Variants in BRWD3 observed in about 807,000 individuals in gnomAD.
The protein encoded by BRWD3 is bromodomain and WD repeat domain containing 3.
Under a neutral mutation model 149.7 loss-of-function variants are expected in BRWD3, and 10 were observed. The ratio of observed to expected loss-of-function variants is 0.07; its 90% CI spans 0.04 to 0.11. The LOEUF (loss-of-function observed/expected upper bound fraction) is 0.11. Ranked by LOEUF, BRWD3 falls within the 10% of genes least tolerant of loss-of-function variation. The pLI is 1.00. For missense variants in BRWD3, 940 were observed against 1,373.2 expected, an observed-to-expected ratio of 0.68 and a Z score of 4.99; for synonymous variants, 504 against 456.7, an observed-to-expected ratio of 1.10 and a Z score of -1.32.
intron 6 of BRWD3, among the ~76,000 whole-genome samples, chrX:80,776,908 A>AC (rs1374251739): frequency 4.5e-5 from 5 of 110,897 alleles, no homozygotes; most frequent in Admixed American, 2.9e-4. Flanking sequence ...TCCTCAGAAT[A>AC]CTTTAATGTA....
chrX:80,756,660 T>C (rs1212944784), intron 6 of BRWD3, among the ~76,000 whole-genome samples: 1 of 111,408 alleles, frequency 9.0e-6, no homozygotes, highest in East Asian at 2.8e-4. Context: ...GATAATTGAT[T>C]ATACAGATAC....
intron 17 of BRWD3, among the ~76,000 whole-genome samples, chrX:80,720,230 T>G: frequency 9.0e-6 from 1 of 111,336 alleles, no homozygotes; most frequent in East Asian, 2.8e-4. Context: ...TAAAACAGCC[T>G]CAAGAAGGTC....
intron 27 of BRWD3, 106 bp from the exon 28 acceptor site, chrX:80,693,157 T>C: frequency 1.7e-6 from 1 of 579,698 alleles, no homozygotes; most frequent in Non-Finnish European, 2.9e-6. Context: ...TATCTAGCAT[T>C]ATAAGAAGCT....
chrX:80,769,771 G>GA (rs1026596558), intron 6 of BRWD3, among the ~76,000 whole-genome samples: 3 of 98,189 alleles, frequency 3.1e-5, no homozygotes, highest in Non-Finnish European at 4.1e-5. Context: ...GATAGAGAGA[G>GA]AAAAAAACCT....
rs2072347773 is a variant in BRWD3 at position 80,674,592 on chromosome X, A to T, written c.*2017T>A. 1 of 111,725 alleles carries T rather than the reference A, an allele frequency of 9.0e-6. No individual in the cohort carries two copies. Among genetic ancestry groups the T allele is most frequent in the Admixed American group, 9.5e-5 (1 of 10,508 alleles). 9.2% of individuals were successfully genotyped at this position (111,725 alleles called of 1,213,427 possible). ...AACCGAAACAGCACATTTTAGCAAA[A>T]ATCAAATGTAGTTTCAAATAGGAAC... On this transcript the variant is annotated 3_prime_UTR_variant, in exon 41 of 41. Coordinates refer to ENST00000373275, the MANE Select transcript of BRWD3 (RefSeq NM_153252.5).
chrX:80,705,344 C>T (rs1382954187), intron 22 of BRWD3, among the ~76,000 whole-genome samples: 1 of 110,656 alleles, frequency 9.0e-6, no homozygotes, highest in Non-Finnish European at 1.9e-5. Context: ...ATGAAGTATA[C>T]TTTATCCAAG....
intron 8 of BRWD3, among the ~76,000 whole-genome samples, chrX:80,741,507 C>G (rs2073502841): frequency 8.9e-6 from 1 of 111,820 alleles, no homozygotes; most frequent in Admixed American, 9.5e-5. Context: ...AATGGTTGAA[C>G]TAGTTTACAG....
At chrX:80,801,188 G>T (rs942880923) in intron 4 of BRWD3, among the ~76,000 whole-genome samples, 1 of 106,497 alleles carries the variant, frequency 9.4e-6, no homozygotes, top group Non-Finnish European at 1.9e-5. Context: ...ACACAATGGC[G>T]GATACTAAGG....
intron 4 of BRWD3, among the ~76,000 whole-genome samples, chrX:80,795,169 C>T (rs758956506): frequency 2.8e-4 from 31 of 110,846 alleles, no homozygotes; most frequent in Non-Finnish European, 4.2e-4. Flanking sequence ...TTAATCTAAG[C>T]TAATGTACAA....
Position 80,674,516 on chromosome X carries a change from T to C in BRWD3, c.*2093A>G, listed in dbSNP as rs1212642079. 1 of 111,531 alleles carries C rather than the reference T, an allele frequency of 9.0e-6. No individual in the cohort carries two copies. Among genetic ancestry groups the C allele is most frequent in the African/African-American group, 3.3e-5 (1 of 30,733 alleles). 9.2% of individuals were successfully genotyped at this position (111,531 alleles called of 1,213,427 possible). A position where few individuals can be genotyped will look rare whatever the true frequency, so the allele number is the denominator to read the frequency against. On this transcript the variant is annotated 3_prime_UTR_variant, in exon 41 of 41. Transcript: ENST00000373275. ...TAGATCAGGATAAGCCAAAGTATTATTGATTTCAGGAATACAGGCACAATT... is the reference window on the plus strand; with the variant it reads ...TAGATCAGGATAAGCCAAAGTATTACTGATTTCAGGAATACAGGCACAATT...
chrX:80,742,892 T>C (rs1167099230), intron 8 of BRWD3, among the ~76,000 whole-genome samples: 10 of 111,358 alleles, frequency 9.0e-5, no homozygotes, highest in Non-Finnish European at 1.9e-4. Context: ...TTTATTTCCT[T>C]CTCCTGCCTG....
At chrX:80,778,801 C>G (rs1226139069) in intron 6 of BRWD3, among the ~76,000 whole-genome samples, 1 of 111,596 alleles carries the variant, frequency 9.0e-6, no homozygotes, top group Non-Finnish European at 1.9e-5. Flanking sequence ...GAGTTTGAGA[C>G]CAGCCCAGCC....
At chrX:80,720,542 G>A (rs754302839) in intron 17 of BRWD3, among the ~76,000 whole-genome samples, 39 of 108,771 alleles carry the variant, frequency 3.6e-4, no homozygotes, top group African/African-American at 1.1e-3. Context: ...CAAAAGAGTC[G>A]AAAAGTTAAA....
intron 6 of BRWD3, among the ~76,000 whole-genome samples, chrX:80,759,269 T>C (rs2073777781): frequency 8.9e-6 from 1 of 112,002 alleles, no homozygotes; most frequent in South Asian, 3.7e-4. Context: ...GTCTAAAATT[T>C]TGTCTGGGGT....
chrX:80,703,867 C>T (rs1365101033), intron 23 of BRWD3, among the ~76,000 whole-genome samples: 3 of 111,536 alleles, frequency 2.7e-5, no homozygotes, highest in Non-Finnish European at 5.7e-5. Flanking sequence ...CCTTGACTAC[C>T]ACGTGAATTC....
At chrX:80,724,513 A>T (rs2073191969) in intron 15 of BRWD3, among the ~76,000 whole-genome samples, 1 of 111,753 alleles carries the variant, frequency 8.9e-6, no homozygotes, top group Non-Finnish European at 1.9e-5. Context: ...CTTAAAGAAC[A>T]TCCGTATCTC....
At chrX:80,713,433 G>A (rs1008774683) in intron 20 of BRWD3, among the ~76,000 whole-genome samples, 4 of 111,646 alleles carry the variant, frequency 3.6e-5, no homozygotes, top group African/African-American at 6.5e-5. Flanking sequence ...TGTCCACTCA[G>A]AGTTAAATGG....
rs543271635 is a variant in BRWD3 at position 80,707,551 on chromosome X, T to C, written c.2476-48A>G. 1.5e-3 allele frequency: 1,714 copies of C among 1,117,081 alleles called. 15 individuals carry two copies. In the South Asian group the frequency reaches 0.031, roughly 20 times the overall value. The allele number at this position is 1,117,081 out of a possible 1,213,427, so 92.1% of individuals were successfully genotyped here. Reference sequence around the variant, plus strand: ...AAGATATATGGATATTACCAGCTAATGTATTTCTAATTAAAAAACCACTAC... The same window carrying C: ...AAGATATATGGATATTACCAGCTAACGTATTTCTAATTAAAAAACCACTAC... On this transcript the variant is annotated intron_variant, in intron 21 of 40. Coordinates refer to ENST00000373275, the MANE Select transcript of BRWD3 (RefSeq NM_153252.5).
chrX:80,710,252 G>A, intron 20 of BRWD3: 1 of 381,958 alleles, frequency 2.6e-6, no homozygotes, highest in Non-Finnish European at 4.9e-6. Flanking sequence ...ATCTCTAATT[G>A]GAAGCAAGAC....
Sources: gnomAD v4.1 joint callset for allele counts (sites outside exome capture counted in the v4.1 genomes callset) on GRCh38, gnomAD v4.1.1 for gene constraint, MANE v1.5 for transcripts, NCBI Gene and HGNC (gene_info 2026-07-23, HGNC 2026-07-21) for gene names.